CRAMP1: variants seen among roughly 807,000 people sequenced by gnomAD.
CRAMP1 encodes cramped chromatin regulator 1.
CRAMP1 carries 50 observed loss-of-function variants against 115.4 expected under a neutral mutation model. The observed-to-expected ratio is 0.43, with a 90% CI of 0.35 to 0.55. CRAMP1 has a LOEUF of 0.55. Ranked by LOEUF, CRAMP1 falls within the 20% of genes least tolerant of loss-of-function variation. The pLI is 0.01. For missense variants in CRAMP1, 1,679 were observed against 1,721.7 expected (o/e 0.98, Z 0.44); for synonymous variants, 866 against 745.4 (o/e 1.16, Z -2.64).
In CRAMP1 at chr16:1,646,919, T is replaced by G. The variant is rs2036680084; in HGVS notation, c.828-5577T>G. 1.3e-5 allele frequency: 8 copies of G among 627,164 alleles called. No individual in the cohort carries two copies. The East Asian group carries it at 2.2e-4, about 18-fold the overall frequency. The allele number at this position is 627,164 out of a possible 1,614,324, so 38.8% of individuals were successfully genotyped here. A position where few individuals can be genotyped will look rare whatever the true frequency, so the allele number is the denominator to read the frequency against. Reference sequence around the variant, plus strand: ...AAAGGACTGTCTCTCCTCCATTGAGTGGCCTTTGCATCCTTGTCAAACATC... The same window carrying G: ...AAAGGACTGTCTCTCCTCCATTGAGGGGCCTTTGCATCCTTGTCAAACATC... On this transcript the variant is annotated intron_variant, in intron 6 of 20. Coordinates refer to ENST00000397412, the MANE Select transcript of CRAMP1 (RefSeq NM_020825.4).
At chr16:1,652,992 G>C (rs374924734) in intron 7 of CRAMP1, 41 bp from the exon 8 acceptor site, 1 of 1,612,298 alleles carries the variant, frequency 6.2e-7, no homozygotes, top group Admixed American at 1.7e-5. Context: ...CTACCTTAAG[G>C]TTGGGCTGCA....
At chr16:1,635,411 G>C (rs2036580848) in intron 4 of CRAMP1, among the ~76,000 whole-genome samples, 1 of 152,220 alleles carries the variant, frequency 6.6e-6, no homozygotes. Context: ...TTGCTCAGTG[G>C]AGATTTTGCT....
At position 1,665,136 on chromosome 16, in the gene CRAMP1, C is replaced by T; in HGVS notation, c.2750C>T (p.Thr917Ile). 6.2e-7 allele frequency: 1 copy of T among 1,606,958 alleles called. No individual in the cohort carries two copies. Among genetic ancestry groups the T allele is most frequent in the Non-Finnish European group, 8.5e-7 (1 of 1,173,412 alleles). The change falls in exon 14 of 21, where the codon ACT becomes ATT. Residue 917 changes from threonine (T) to isoleucine (I), a missense_variant and splice_region_variant. Thr to Ile is a moderately conservative substitution (Grantham distance 89). Coordinates refer to ENST00000397412, the MANE Select transcript of CRAMP1 (RefSeq NM_020825.4). Reference protein sequence around the residue: ...SFSILSNSSVTGRGSFRPIQS... With the variant: ...SFSILSNSSVIGRGSFRPIQS... The stretch of plus-strand genomic sequence containing the variant: ...TCCATCCTGTCTAACTCTTCCGTAA[C>T]TGGTAAGGACCCTGAGCTTTTCTGG...
chr16:1,646,889 A>G (rs367875961), intron 6 of CRAMP1, among the ~76,000 whole-genome samples: 2 of 152,366 alleles, frequency 1.3e-5, no homozygotes, highest in South Asian at 2.1e-4. Flanking sequence ...AAGCTGTGCC[A>G]TCTGAAAGGA....
intron 6 of CRAMP1, among the ~76,000 whole-genome samples, chr16:1,648,485 G>T (rs2036695299): frequency 6.6e-6 from 1 of 151,886 alleles, no homozygotes; most frequent in Non-Finnish European, 1.5e-5. Flanking sequence ...GGCGCCTGTA[G>T]TCCCAGCTAC....
intron 4 of CRAMP1, among the ~76,000 whole-genome samples, chr16:1,633,830 G>T (rs923817665): frequency 3.3e-5 from 5 of 152,182 alleles, no homozygotes; most frequent in Admixed American, 2.0e-4. Flanking sequence ...AGCACTTTGG[G>T]AGGCAGAGGC....
intron 8 of CRAMP1, among the ~76,000 whole-genome samples, chr16:1,653,444 A>C (rs536052321): frequency 3.8e-4 from 58 of 152,304 alleles, no homozygotes; most frequent in South Asian, 8.3e-4. Context: ...AGGCCCATAC[A>C]GTTCCTCTCC....
intron 6 of CRAMP1, among the ~76,000 whole-genome samples, chr16:1,644,224 C>A (rs12926146): frequency 0.12 from 17,686 of 152,166 alleles, 1,456 homozygotes; most frequent in African/African-American, 0.23. Context: ...CCTCACCTGT[C>A]GTATTGTCAT....
intron 10 of CRAMP1, 141 bp from the exon 11 acceptor site, chr16:1,659,745 G>A (rs2036808904): frequency 1.2e-6 from 1 of 800,152 alleles, no homozygotes; most frequent in Non-Finnish European, 2.0e-6. Context: ...CTGAGGTTGG[G>A]CGTCTCTGGC....
intron 20 of CRAMP1, among the ~76,000 whole-genome samples, 189 bp downstream of exon 20, chr16:1,670,998 C>A: frequency 6.6e-6 from 1 of 152,242 alleles, no homozygotes; most frequent in African/African-American, 2.4e-5. Flanking sequence ...GGCCGGCTCT[C>A]GTCCCCACAT....
At chr16:1,644,551 G>A (rs1237622278) in intron 6 of CRAMP1, among the ~76,000 whole-genome samples, 3 of 152,198 alleles carry the variant, frequency 2.0e-5, no homozygotes, top group African/African-American at 7.2e-5. Flanking sequence ...TGCAGACATG[G>A]CAACTGGCAG....
At chr16:1,627,180 CTGT>C (rs2036514946) in intron 3 of CRAMP1, among the ~76,000 whole-genome samples, 1 of 151,300 alleles carries the variant, frequency 6.6e-6, no homozygotes, top group South Asian at 2.1e-4. Flanking sequence ...GAATCTCACT[CTGT>C]TGCCCAGGCT....
rs764688261 is a variant in CRAMP1, at chr16:1,656,694, C to G, written c.1937C>G (p.Pro646Arg). 2.6e-6 allele frequency: 4 copies of G among 1,561,780 alleles called. No individual in the cohort carries two copies. The Admixed American group carries it at 7.6e-5, about 30-fold the overall frequency. The stretch of plus-strand genomic sequence containing the variant: ...GAGGAGCTCCAGGAGAAGGGGAGCC[C>G]CGCGGGGCCTCCGCCGTCTCAGGGA... ...PAEELQEKGSPAGPPPSQGQP... is the reference protein window; with the variant it reads ...PAEELQEKGSRAGPPPSQGQP... Residue 646 changes from proline to arginine, a missense_variant, in exon 10 of 21, where the codon CCC (proline) becomes CGC (arginine). By Grantham distance (103) the Pro-to-Arg change is moderately radical. Around this residue, in one of 8 missense-constraint regions of CRAMP1, gnomAD observed 405 missense variants for 302.6 expected, o/e 1.34. Transcript: ENST00000397412. This position sits in a 1 kb window ranked among gnomAD's most constrained non-coding sequence, Gnocchi z 5.6.
In CRAMP1 at chr16:1,656,812, C is replaced by T. The variant is rs1287531309; in HGVS notation, c.2055C>T (p.Ser685=). ...EEGWNLQTSE[S]LTLAEVYLMM... ...GCTGGAACCTGCAGACCTCCGAAAG[C>T]CTCACGCTGGCCGAAGTCTACCTCA... Residue 685 remains serine, a synonymous_variant, in exon 10 of 21, where the codon AGC becomes AGT. Transcript: ENST00000397412. This position sits in a 1 kb window ranked among gnomAD's most constrained non-coding sequence, Gnocchi z 5.6. The T allele has an allele frequency of 7.7e-6, 12 of 1,549,386 alleles. No individual in the cohort carries two copies. In the South Asian group the frequency reaches 1.4e-4, roughly 18 times the overall value.
At chr16:1,616,654 C>T (rs1027366671) in intron 2 of CRAMP1, among the ~76,000 whole-genome samples, 2 of 152,144 alleles carry the variant, frequency 1.3e-5, no homozygotes, top group Admixed American at 1.3e-4. Context: ...GAGCTTGGCT[C>T]ACACTTAGGT....
Position 1,618,118 on chromosome 16 carries a change from A to G in CRAMP1, c.346+3133A>G, listed in dbSNP as rs988280650. ...AGACAGAGTCCTGATACCTTTCCCT[A>G]TTTGGCCAGTTCATGATCCAGCTAG... On this transcript the variant is annotated intron_variant, in intron 2 of 20. Transcript: ENST00000397412. Among the ~76,000 whole-genome samples, 6 of 152,126 alleles carry G rather than the reference A, an allele frequency of 3.9e-5. No homozygotes were observed. The East Asian group carries it at 5.8e-4, about 15-fold the overall frequency.
chr16:1,671,639 TGGAGCAGCATTCCCCGAA>T lies in CRAMP1; in HGVS notation c.3645+831_3645+848del, dbSNP rs766483580. Among the ~76,000 whole-genome samples the T allele has an allele frequency of 6.6e-6, 1 of 152,176 alleles. No homozygotes were observed. The highest frequency in any genetic ancestry group is 1.5e-5 in the Non-Finnish European group (1 of 68,026). On this transcript the variant is annotated intron_variant, in intron 20 of 20. Coordinates refer to ENST00000397412, the MANE Select transcript of CRAMP1 (RefSeq NM_020825.4). This position sits in a 1 kb window ranked among gnomAD's most constrained non-coding sequence, Gnocchi z 5.0. The stretch of plus-strand genomic sequence containing the variant: ...ATGGGCTTAGCCCATGTGAAAGTCC[TGGAGCAGCATTCCCCGAA>T]TCTAGTCCCCACAATGTTGAGACAT...
At chr16:1,635,790 T>A (rs1253910383) in intron 4 of CRAMP1, among the ~76,000 whole-genome samples, 1 of 152,246 alleles carries the variant, frequency 6.6e-6, no homozygotes, top group East Asian at 1.9e-4. Context: ...ATATGTCCAT[T>A]GCCCAGGAGG....
Position 1,674,824 on chromosome 16 carries a change from T to TG in CRAMP1, c.*781dup, listed in dbSNP as rs749686695. 4.6e-5 allele frequency: 7 copies of TG among 152,228 alleles called. No homozygotes were observed. The highest frequency in any genetic ancestry group is 8.8e-5 in the Non-Finnish European group (6 of 68,054). 9.4% of individuals were successfully genotyped at this position (152,228 alleles called of 1,614,324 possible). A position where few individuals can be genotyped will look rare whatever the true frequency, so the allele number is the denominator to read the frequency against. ...GGAAGAACAAAGTCCCCTCTGTAGT[T>TG]GGTTTCCTTCCTGTGTCCCTTTGCA... On this transcript the variant is annotated 3_prime_UTR_variant, in exon 21 of 21. Coordinates refer to ENST00000397412, the MANE Select transcript of CRAMP1 (RefSeq NM_020825.4).
Sources: allele counts gnomAD v4.1 joint callset (sites outside exome capture counted in the v4.1 genomes callset), GRCh38; gene constraint gnomAD v4.1.1; regional missense constraint gnomAD v4.1.1; non-coding constraint Gnocchi (gnomAD v3.1); transcripts MANE v1.5; gene names NCBI Gene and HGNC (gene_info 2026-07-23, HGNC 2026-07-21).